Variants in DISP1 observed in about 807,000 individuals in gnomAD.
The protein encoded by DISP1 is dispatched RND transporter family member 1, also known as protein dispatched homolog 1.
DISP1 carries 30 observed loss-of-function variants against 37.3 expected under a neutral mutation model. The observed-to-expected ratio is 0.80, with a 90% CI of 0.60 to 1.09. The LOEUF (loss-of-function observed/expected upper bound fraction) is 1.09, where lower values mean the gene tolerates loss of function less well. Ranked by LOEUF, DISP1 falls within the 50% of genes least tolerant of loss-of-function variation. The pLI is 0.00. For missense variants in DISP1, 1,598 were observed against 1,879.5 expected (o/e 0.85, Z 2.77); for synonymous variants, 634 against 690.2 (o/e 0.92, Z 1.28).
Position 222,846,363 on chromosome 1 carries a change from T to G in DISP1, c.-159+31285T>G, listed in dbSNP as rs141271041. 8.7e-3 allele frequency among the ~76,000 whole-genome samples: 1,320 copies of G among 152,284 alleles called. 16 individuals are homozygous for G. Among genetic ancestry groups the G allele is most frequent in the African/African-American group, 0.03 (1,247 of 41,570 alleles). ...AAAATTAGCTGGGTGTGGTGGCGCATGCCTGTAATCCCAGGTACTCGGGAG... is the reference window on the plus strand; with the variant it reads ...AAAATTAGCTGGGTGTGGTGGCGCAGGCCTGTAATCCCAGGTACTCGGGAG... On this transcript the variant is annotated intron_variant, in intron 1 of 8. Transcript: ENST00000675850.
At chr1:222,910,764 G>C (rs1487633846) in intron 1 of DISP1, among the ~76,000 whole-genome samples, 1 of 152,188 alleles carries the variant, frequency 6.6e-6, no homozygotes, top group African/African-American at 2.4e-5. Context: ...AAATTTAGGT[G>C]TACCTTGAAG....
At chr1:222,995,489 A>T (rs946323889) in intron 8 of DISP1, among the ~76,000 whole-genome samples, 1 of 152,210 alleles carries the variant, frequency 6.6e-6, no homozygotes, top group Admixed American at 6.5e-5. Flanking sequence ...TACAGTATCT[A>T]TGTAAATGAC....
intron 5 of DISP1, 109 bp from the exon 6 acceptor site, chr1:222,991,404 CTATATTT>C: frequency 7.8e-7 from 1 of 1,275,240 alleles, no homozygotes; most frequent in South Asian, 1.2e-5. Context: ...TGAGGAACAG[CTATATTT>C]TCTGTTGAAA....
At chr1:222,836,173 C>T (rs1334224030) in intron 1 of DISP1, among the ~76,000 whole-genome samples, 1 of 152,092 alleles carries the variant, frequency 6.6e-6, no homozygotes, top group Non-Finnish European at 1.5e-5. Context: ...GGGGAAAAAA[C>T]AGCCTTAAAT....
At chr1:222,828,345 G>T (rs911682012) in intron 1 of DISP1, among the ~76,000 whole-genome samples, 3 of 151,794 alleles carry the variant, frequency 2.0e-5, no homozygotes, top group South Asian at 4.2e-4. Context: ...TATGGTTACC[G>T]TAGAAATGTT....
chr1:222,936,788 A>ATATATAATG (rs1673820102), intron 2 of DISP1, among the ~76,000 whole-genome samples: 2 of 59,870 alleles, frequency 3.3e-5, no homozygotes, highest in Non-Finnish European at 6.4e-5. Context: ...CATATATAAT[A>ATATATAATG]TATATAATAT....
At chr1:222,835,976 G>T (rs887359295) in intron 1 of DISP1, among the ~76,000 whole-genome samples, 3 of 136,510 alleles carry the variant, frequency 2.2e-5, no homozygotes, top group African/African-American at 5.3e-5. Flanking sequence ...AAAAAAAATT[G>T]AGCTTAATTC....
chr1:222,918,970 GA>G (rs1242863073), intron 1 of DISP1, among the ~76,000 whole-genome samples: 2 of 152,206 alleles, frequency 1.3e-5, no homozygotes, highest in African/African-American at 4.8e-5. Context: ...GTTTTTATAG[GA>G]AATGTACAAA....
chr1:222,895,912 G>C (rs1217130364), intron 1 of DISP1, among the ~76,000 whole-genome samples: 1 of 152,150 alleles, frequency 6.6e-6, no homozygotes, highest in Non-Finnish European at 1.5e-5. Context: ...GATTTCTCAA[G>C]ATTTTTTAAA....
At chr1:222,875,455 C>G (rs1054796543) in intron 1 of DISP1, among the ~76,000 whole-genome samples, 1 of 151,710 alleles carries the variant, frequency 6.6e-6, no homozygotes, top group African/African-American at 2.4e-5. Context: ...TTTTTTCCCC[C>G]CTTTTATATG....
chr1:222,966,031 AATGG>A (rs574766498), intron 3 of DISP1, among the ~76,000 whole-genome samples: 8 of 151,942 alleles, frequency 5.3e-5, no homozygotes, highest in African/African-American at 1.5e-4. Context: ...CTTGTCTCTA[AATGG>A]ATGGATGGAT....
intron 3 of DISP1, among the ~76,000 whole-genome samples, chr1:222,975,683 G>A (rs1173401839): frequency 6.6e-6 from 1 of 152,038 alleles, no homozygotes; most frequent in African/African-American, 2.4e-5. Flanking sequence ...TTGTCCTCTT[G>A]ACTGATACAT....
intron 1 of DISP1, among the ~76,000 whole-genome samples, chr1:222,875,319 AT>A (rs1669898364): frequency 6.6e-6 from 1 of 152,114 alleles, no homozygotes; most frequent in Admixed American, 6.5e-5. Context: ...TCTCAAAAAA[AT>A]AATTAAACAA....
At chr1:222,894,321 C>T (rs547642237) in intron 1 of DISP1, among the ~76,000 whole-genome samples, 1 of 152,278 alleles carries the variant, frequency 6.6e-6, no homozygotes, top group South Asian at 2.1e-4. Context: ...TCCATCGCGC[C>T]CAGGCTGTTC....
intron 2 of DISP1, among the ~76,000 whole-genome samples, chr1:222,937,100 T>A (rs1404753429): frequency 7.3e-6 from 1 of 137,882 alleles, no homozygotes; most frequent in Non-Finnish European, 1.5e-5. Context: ...TTTATATATA[T>A]ATATTTTGAG....
intron 1 of DISP1, among the ~76,000 whole-genome samples, chr1:222,910,744 A>G (rs2125421323): frequency 6.6e-6 from 1 of 152,366 alleles, no homozygotes; most frequent in Non-Finnish European, 1.5e-5. Context: ...CAGTCTAAAC[A>G]GAGAAAAGGA....
chr1:222,915,006 A>G (rs542911480), intron 1 of DISP1, among the ~76,000 whole-genome samples: 4 of 152,260 alleles, frequency 2.6e-5, no homozygotes, highest in African/African-American at 9.6e-5. Context: ...AAGGGAAAAA[A>G]AGATCATAAT....
At chr1:222,838,955 T>C (rs1222122727) in intron 1 of DISP1, among the ~76,000 whole-genome samples, 3 of 152,278 alleles carry the variant, frequency 2.0e-5, no homozygotes, top group African/African-American at 7.2e-5. Context: ...TATTTTGTGA[T>C]AGGCGCATTC....
At chr1:222,826,554 TGTTTTTTA>T (rs1415356977) in intron 1 of DISP1, among the ~76,000 whole-genome samples, 1 of 151,812 alleles carries the variant, frequency 6.6e-6, no homozygotes, top group Non-Finnish European at 1.5e-5. Context: ...CTAATTTTTT[TGTTTTTTA>T]ACTTCTTACA....
Sources: allele counts gnomAD v4.1 joint callset (sites outside exome capture counted in the v4.1 genomes callset), GRCh38; gene constraint gnomAD v4.1.1; transcripts MANE v1.5; gene names NCBI Gene and HGNC (gene_info 2026-07-23, HGNC 2026-07-21).